The following SIRT1 variants were observed in gnomAD, a reference collection of about 807,000 sequenced individuals.
The protein encoded by SIRT1 is sirtuin 1, also known as NAD-dependent protein deacetylase sirtuin-1.
A neutral mutation model predicts 67.9 loss-of-function variants in SIRT1; 24 were observed. That is an observed-to-expected ratio of 0.35 (90% confidence interval 0.26 to 0.50). The LOEUF is 0.50. Ranked by LOEUF, SIRT1 falls within the 20% of genes least tolerant of loss-of-function variation. The probability of loss-of-function intolerance (pLI) is 0.98; values close to 1 mark genes in which losing one functional copy is unlikely to be tolerated. For missense variants in SIRT1, 873 were observed against 937.2 expected, an observed-to-expected ratio of 0.93 and a Z score of 0.89; for synonymous variants, 378 against 350.7, an observed-to-expected ratio of 1.08 and a Z score of -0.87.
intron 4 of SIRT1, among the ~76,000 whole-genome samples, chr10:67,896,057 T>G (rs1842653166): frequency 6.6e-6 from 1 of 152,168 alleles, no homozygotes; most frequent in Non-Finnish European, 1.5e-5. Context: ...TCATTTAGAC[T>G]GGAAATTTCA....
chr10:67,885,092 A>C lies in SIRT1; in HGVS notation c.371A>C (p.Asp124Ala). 1 of 1,432,214 alleles carries C rather than the reference A, an allele frequency of 7.0e-7. No homozygotes were observed. Among genetic ancestry groups the C allele is most frequent in the Non-Finnish European group, 9.2e-7 (1 of 1,084,970 alleles). The allele number at this position is 1,432,214 out of a possible 1,614,324, so 88.7% of individuals were successfully genotyped here. Residue 124 changes from aspartate (D) to alanine (A), a missense_variant, in exon 1 of 9, where the codon GAC becomes GCC. Asp to Ala is a moderately radical substitution (Grantham distance 126). This residue lies in a region of SIRT1 where 327 missense variants were observed against 283.9 expected (regional missense o/e 1.15). Coordinates refer to ENST00000212015, the MANE Select transcript of SIRT1 (RefSeq NM_012238.5). Reference protein sequence around the residue: ...PPLADNLYDEDDDDEGEEEEE... With the variant: ...PPLADNLYDEADDDEGEEEEE... ...CTGGCCGACAACTTGTACGACGAAG[A>C]CGACGACGACGAGGGCGAGGAGGAG... is the stretch of plus-strand genomic sequence containing the variant.
At position 67,912,743 on chromosome 10, in the gene SIRT1, A is replaced by G. The variant is rs1357873484; in HGVS notation, c.1627A>G (p.Arg543Gly). ...HVSEDSSSPE[R>G]TSPPDSSVIV... ...TTCAGAAGACTCAAGTTCACCAGAA[A>G]GAACTTCACCACCAGATTCTTCAGT... is the stretch of plus-strand genomic sequence containing the variant. The change falls in exon 8 of 9, where the codon AGA becomes GGA. Residue 543 changes from arginine (R) to glycine (G), a missense_variant. By Grantham distance (125) the Arg-to-Gly change is moderately radical. Around this residue, in one of 3 missense-constraint regions of SIRT1, gnomAD observed 295 missense variants for 294.5 expected, o/e 1.00. Coordinates refer to ENST00000212015, the MANE Select transcript of SIRT1 (RefSeq NM_012238.5). 1.2e-6 allele frequency: 2 copies of G among 1,614,064 alleles called. No homozygotes were observed. The highest frequency in any genetic ancestry group is 1.3e-5 in the African/African-American group (1 of 74,950).
At position 67,916,372 on chromosome 10, in the gene SIRT1, A is replaced by T. The variant is rs759347614; in HGVS notation, c.2023A>T (p.Ser675Cys). Residue 675 changes from serine (S) to cysteine (C), a missense_variant, in exon 9 of 9, where the codon AGT becomes TGT. Coordinates refer to ENST00000212015, the MANE Select transcript of SIRT1 (RefSeq NM_012238.5). ...VLSSSSCGSN[S>C]DSGTCQSPSL... ...ATCCTCTAGTTCTTGTGGCAGTAAC[A>T]GTGATAGTGGGACATGCCAGAGTCC... 1.2e-6 allele frequency: 2 copies of T among 1,614,204 alleles called. No homozygotes were observed. Among genetic ancestry groups the T allele is most frequent in the South Asian group, 2.2e-5 (2 of 91,088 alleles).
At chr10:67,885,192 T>A in intron 1 of SIRT1, 41 bp downstream of exon 1, 1 of 1,305,546 alleles carries the variant, frequency 7.7e-7, no homozygotes, top group Non-Finnish European at 9.8e-7. Context: ...CATCTCCTCC[T>A]CCCTCTCCCC....
chr10:67,908,437 G>T (rs1038667580), intron 6 of SIRT1, among the ~76,000 whole-genome samples: 1 of 152,136 alleles, frequency 6.6e-6, no homozygotes, highest in Admixed American at 6.5e-5. Flanking sequence ...GTGCCTGTCA[G>T]ATTTGGACCT....
intron 8 of SIRT1, among the ~76,000 whole-genome samples, chr10:67,914,901 G>A (rs901104771): frequency 1.0e-5 from 1 of 96,916 alleles, no homozygotes; most frequent in African/African-American, 3.7e-5. Flanking sequence ...TTTTTTTTTA[G>A]TTTTTGTAGA....
intron 4 of SIRT1, among the ~76,000 whole-genome samples, chr10:67,895,502 A>G (rs1414076807): frequency 6.6e-6 from 1 of 152,216 alleles, no homozygotes; most frequent in Non-Finnish European, 1.5e-5. Flanking sequence ...TAGAATATTC[A>G]TAGGATAACC....
chr10:67,887,910 C>T (rs767869889), intron 2 of SIRT1, among the ~76,000 whole-genome samples: 9 of 152,150 alleles, frequency 5.9e-5, no homozygotes, highest in Non-Finnish European at 8.8e-5. Flanking sequence ...GTTCTTCATC[C>T]GGTTAGAATA....
intron 7 of SIRT1, among the ~76,000 whole-genome samples, chr10:67,910,628 A>G (rs1175358595): frequency 2.0e-5 from 3 of 152,168 alleles, no homozygotes; most frequent in East Asian, 1.9e-4. Flanking sequence ...GTAACATACC[A>G]TGTAAGATGG....
intron 4 of SIRT1, among the ~76,000 whole-genome samples, chr10:67,897,547 A>G (rs1168426163): frequency 3.3e-5 from 5 of 152,054 alleles, no homozygotes; most frequent in African/African-American, 7.2e-5. Context: ...TATTTTTAGT[A>G]GAGACGGGGT....
At chr10:67,889,549 C>T (rs1290562350) in intron 3 of SIRT1, among the ~76,000 whole-genome samples, 1 of 152,118 alleles carries the variant, frequency 6.6e-6, no homozygotes, top group African/African-American at 2.4e-5. Context: ...AGATTCCTAC[C>T]TTCCCTCCAT....
chr10:67,892,104 A>G (rs987516245), intron 4 of SIRT1, among the ~76,000 whole-genome samples: 6 of 152,174 alleles, frequency 3.9e-5, no homozygotes, highest in Non-Finnish European at 5.9e-5. Flanking sequence ...ATGTATTGAT[A>G]TGTGCAATAA....
intron 7 of SIRT1, among the ~76,000 whole-genome samples, 199 bp from the exon 8 acceptor site, chr10:67,912,275 C>T (rs542558273): frequency 6.6e-6 from 1 of 152,010 alleles, no homozygotes; most frequent in East Asian, 1.9e-4. Flanking sequence ...AGAACTTGAG[C>T]GTTTTATAAA....
chr10:67,888,860 A>T, intron 2 of SIRT1, 22 bp from the exon 3 acceptor site: 1 of 1,574,266 alleles, frequency 6.4e-7, no homozygotes, highest in Non-Finnish European at 8.6e-7. Context: ...GTTGACTTTA[A>T]GCCTTTTCCC....
intron 4 of SIRT1, among the ~76,000 whole-genome samples, chr10:67,895,820 C>T (rs1365502771): frequency 1.5e-5 from 2 of 130,184 alleles, no homozygotes; most frequent in Non-Finnish European, 3.1e-5. Flanking sequence ...CGGCTCACTA[C>T]AACCTTCACC....
At chr10:67,904,740 A>G (rs1271045262) in intron 4 of SIRT1, among the ~76,000 whole-genome samples, 1 of 152,036 alleles carries the variant, frequency 6.6e-6, no homozygotes, top group Non-Finnish European at 1.5e-5. Context: ...GCTATTCAGG[A>G]AGCTGAGGCA....
chr10:67,887,733 C>G (rs1244110797), intron 2 of SIRT1, among the ~76,000 whole-genome samples, 200 bp downstream of exon 2: 1 of 152,174 alleles, frequency 6.6e-6, no homozygotes, highest in Admixed American at 6.5e-5. Context: ...TATGCCACTA[C>G]GCCCGGCTAA....
chr10:67,893,214 T>C (rs1039499811), intron 4 of SIRT1, among the ~76,000 whole-genome samples: 3 of 152,204 alleles, frequency 2.0e-5, no homozygotes, highest in Non-Finnish European at 4.4e-5. Context: ...TGTGCCATGG[T>C]GGTTTGCTGC....
At chr10:67,900,431 C>T (rs1189956922) in intron 4 of SIRT1, among the ~76,000 whole-genome samples, 5 of 151,980 alleles carry the variant, frequency 3.3e-5, no homozygotes, top group East Asian at 1.9e-4. Context: ...AGGTGTGAGC[C>T]GCCGCGCTTG....
Sources: gnomAD v4.1 joint callset for allele counts (sites outside exome capture counted in the v4.1 genomes callset) on GRCh38, gnomAD v4.1.1 for gene constraint, gnomAD v4.1.1 regional missense constraint, MANE v1.5 for transcripts, NCBI Gene and HGNC (gene_info 2026-07-23, HGNC 2026-07-21) for gene names.